SLC7A7: variants seen among roughly 807,000 people sequenced by gnomAD.
SLC7A7 encodes the protein solute carrier family 7 member 7.
In SLC7A7, 39 loss-of-function variants were observed where a neutral mutation model predicts 47.9. The ratio of observed to expected loss-of-function variants is 0.81; its 90% CI spans 0.63 to 1.06. The LOEUF (loss-of-function observed/expected upper bound fraction) is 1.06. Among genes scored for constraint, SLC7A7 ranks in the 50% least tolerant of loss-of-function variants. The pLI, the probability that SLC7A7 is intolerant of heterozygous loss-of-function variation, is 0.00. For missense variants in SLC7A7, 588 were observed against 632.0 expected, an observed-to-expected ratio of 0.93 and a Z score of 0.75; for synonymous variants, 234 against 242.8, an observed-to-expected ratio of 0.96 and a Z score of 0.34.
intron 1 of SLC7A7, among the ~76,000 whole-genome samples, chr14:22,813,931 T>C (rs28548972): frequency 0.58 from 87,096 of 150,946 alleles, 25,495 homozygotes; most frequent in East Asian, 0.79. Context: ...GCTGGGATTA[T>C]AGGCATGCAC....
chr14:22,783,263 A>G (rs532810249), intron 2 of SLC7A7, among the ~76,000 whole-genome samples: 1 of 151,432 alleles, frequency 6.6e-6, no homozygotes, highest in East Asian at 2.0e-4. Flanking sequence ...GGGTCTTGCT[A>G]TGTGGCCCAG....
At chr14:22,788,129 T>C (rs1205865961) in intron 2 of SLC7A7, among the ~76,000 whole-genome samples, 1 of 152,194 alleles carries the variant, frequency 6.6e-6, no homozygotes, top group Non-Finnish European at 1.5e-5. Context: ...AGTCTATCAC[T>C]GTAGACCTTT....
At chr14:22,782,126 G>C (rs187626181) in intron 2 of SLC7A7, among the ~76,000 whole-genome samples, 30 of 152,186 alleles carry the variant, frequency 2.0e-4, no homozygotes, top group Non-Finnish European at 3.4e-4. Context: ...TTTTGAGACA[G>C]AGTTTCACCC....
At chr14:22,780,841 T>A (rs956881941) in intron 2 of SLC7A7, among the ~76,000 whole-genome samples, 1 of 152,216 alleles carries the variant, frequency 6.6e-6, no homozygotes, top group African/African-American at 2.4e-5. Flanking sequence ...AAGTTTCATA[T>A]CTTTTCTTAG....
At chr14:22,780,266 T>C in intron 2 of SLC7A7, 1 of 537,860 alleles carries the variant, frequency 1.9e-6, no homozygotes, top group Non-Finnish European at 3.3e-6. Flanking sequence ...CAGCACCTTA[T>C]ATGGGAGACA....
chr14:22,818,925 TA>T (rs2039442023), upstream of SLC7A7, among the ~76,000 whole-genome samples: 1 of 152,068 alleles, frequency 6.6e-6, no homozygotes, highest in Non-Finnish European at 1.5e-5. Flanking sequence ...CCCCATAAGA[TA>T]ACAGCAGCCC....
At chr14:22,819,613 T>C (rs754081314), upstream of SLC7A7, 1 of 152,326 alleles carries the variant, frequency 6.6e-6, no homozygotes, top group Non-Finnish European at 1.5e-5. Context: ...CTCTCGCCCA[T>C]TGTCCCTCCT....
In SLC7A7 at chr14:22,815,330, T is replaced by C. The variant is rs2039389615; in HGVS notation, c.-53A>G. 2.2e-6 allele frequency: 1 copy of C among 454,192 alleles called. No homozygotes were observed. Among genetic ancestry groups the C allele is most frequent in the South Asian group, 1.6e-5 (1 of 64,464 alleles). The allele number at this position is 454,192 out of a possible 1,614,324, so 28.1% of individuals were successfully genotyped here. A position where few individuals can be genotyped will look rare whatever the true frequency, so the allele number is the denominator to read the frequency against. ...GGAACGCACACTCACTCCTTGGTCC[T>C]GGATATAAGCAGGTTCTCACGGCAG... is the stretch of plus-strand genomic sequence containing the variant. On this transcript the variant is annotated 5_prime_UTR_variant, in exon 1 of 10. Transcript: ENST00000674313.
chr14:22,800,694 T>C (rs75972219), intron 2 of SLC7A7, among the ~76,000 whole-genome samples: 34 of 8,860 alleles, frequency 3.8e-3, no homozygotes, highest in Non-Finnish European at 0.015. Context: ...TAACACTTTG[T>C]TTGGGAGGCC....
intron 2 of SLC7A7, among the ~76,000 whole-genome samples, chr14:22,797,247 A>C (rs1437299804): frequency 6.6e-6 from 1 of 152,162 alleles, no homozygotes; most frequent in East Asian, 1.9e-4. Context: ...AGATGCCTAG[A>C]ACTTCAGAGC....
At chr14:22,809,911 C>A (rs1008949054) in intron 2 of SLC7A7, among the ~76,000 whole-genome samples, 1 of 151,668 alleles carries the variant, frequency 6.6e-6, no homozygotes, top group Non-Finnish European at 1.5e-5. Flanking sequence ...TGGTGGCGGG[C>A]GCCTGTAATC....
chr14:22,773,415 T>C lies in SLC7A7; in HGVS notation c.*195A>G, dbSNP rs568241315. On this transcript the variant is annotated 3_prime_UTR_variant, in exon 10 of 10. Coordinates refer to ENST00000674313, the MANE Select transcript of SLC7A7 (RefSeq NM_003982.4). ...CCACAGTCACCTTCATTGTCCCCTT[T>C]AAAAGTCTGGAACAGTATGTAGCAA... 1.0e-5 allele frequency: 7 copies of C among 672,088 alleles called. No individual in the cohort carries two copies. Among genetic ancestry groups the C allele is most frequent in the Non-Finnish European group, 1.9e-5 (7 of 366,272 alleles). 41.6% of individuals were successfully genotyped at this position (672,088 alleles called of 1,614,324 possible). A position where few individuals can be genotyped will look rare whatever the true frequency, so the allele number is the denominator to read the frequency against.
chr14:22,784,966 G>A (rs1165167726), intron 2 of SLC7A7, among the ~76,000 whole-genome samples: 3 of 152,144 alleles, frequency 2.0e-5, no homozygotes, highest in East Asian at 1.9e-4. Flanking sequence ...CACCATGCCC[G>A]GCGTCATTCC....
At chr14:22,777,314 G>A (rs766108443) in intron 4 of SLC7A7, among the ~76,000 whole-genome samples, 1 of 152,136 alleles carries the variant, frequency 6.6e-6, no homozygotes, top group Non-Finnish European at 1.5e-5. Flanking sequence ...CCTCAAGGTT[G>A]AGAAATATAA....
Position 22,774,376 on chromosome 14 carries a change from GGC to G in SLC7A7, c.1221_1222del (p.Glu407AspfsTer2). 1 of 1,614,108 alleles carries G rather than the reference GGC, an allele frequency of 6.2e-7. No homozygotes were observed. ...TACCTTGAGGGGACGAGGTCGATCA[GGC>G]TCCTTCCAGCGCAGATAAAGCTGAC... On this transcript the variant is annotated frameshift_variant, in exon 8 of 10. Coordinates refer to ENST00000674313, the MANE Select transcript of SLC7A7 (RefSeq NM_003982.4). LOFTEE classifies it high-confidence loss of function.
Position 22,813,102 on chromosome 14 carries a change from T to G in SLC7A7, c.297A>C (p.Lys99Asn), listed in dbSNP as rs761270703. 1.9e-6 allele frequency: 3 copies of G among 1,613,996 alleles called. No individual in the cohort carries two copies. Among genetic ancestry groups the G allele is most frequent in the Non-Finnish European group, 2.5e-6 (3 of 1,179,994 alleles). The change falls in exon 2 of 10, where the codon AAA becomes AAC. Residue 99 changes from lysine to asparagine, a missense_variant. Lys to Asn is a moderately conservative substitution (Grantham distance 94). Coordinates refer to ENST00000674313, the MANE Select transcript of SLC7A7 (RefSeq NM_003982.4). The part of the protein sequence containing the change: ...CYAELGTTIK[K>N]SGASYAYILE... ...GGATATAGGCATAGCTGGCCCCAGA[T>G]TTCTTAATGGTGGTGCCCAGTTCCG...
chr14:22,777,696 A>G (rs958140625), intron 4 of SLC7A7, among the ~76,000 whole-genome samples: 8 of 152,174 alleles, frequency 5.3e-5, no homozygotes, highest in African/African-American at 1.9e-4. Context: ...TAGCGTTACC[A>G]CTAGTTGTGT....
rs1285111671 is a variant in SLC7A7, at chr14:22,806,185, C to CT, written c.499+6714dup. 2.7e-3 allele frequency among the ~76,000 whole-genome samples: 324 copies of CT among 119,910 alleles called. 12 individuals carry two copies. The highest frequency in any genetic ancestry group is 9.0e-3 in the African/African-American group (279 of 30,928). 78.7% of individuals were successfully genotyped at this position (119,910 alleles called of 152,430 possible). A position where few individuals can be genotyped will look rare whatever the true frequency, so the allele number is the denominator to read the frequency against. ...CTGACATTATCATTCACACATCAAT[C>CT]TCTTTTTTTTTTTTTTTTTTTTTTT... On this transcript the variant is annotated intron_variant, in intron 2 of 9. Coordinates refer to ENST00000674313, the MANE Select transcript of SLC7A7 (RefSeq NM_003982.4).
chr14:22,780,744 A>T (rs912830556), intron 2 of SLC7A7, among the ~76,000 whole-genome samples: 1 of 152,230 alleles, frequency 6.6e-6, no homozygotes, highest in Non-Finnish European at 1.5e-5. Flanking sequence ...AGTACCTTTT[A>T]TCAGGGTTCT....
Sources: allele counts gnomAD v4.1 joint callset (sites outside exome capture counted in the v4.1 genomes callset), GRCh38; gene constraint gnomAD v4.1.1; transcripts MANE v1.5; gene names NCBI Gene and HGNC (gene_info 2026-07-23, HGNC 2026-07-21).